The following DENND1A variants were observed in gnomAD, a reference collection of about 807,000 sequenced individuals.
DENND1A encodes the protein DENN domain-containing protein 1A.
In DENND1A, 51 loss-of-function variants were observed where a neutral mutation model predicts 113.7. The ratio of observed to expected loss-of-function variants is 0.45; its 90% CI spans 0.36 to 0.57. DENND1A has a LOEUF of 0.57. Ranked by LOEUF, DENND1A falls within the 20% of genes least tolerant of loss-of-function variation. DENND1A has a pLI of 0.00. For missense variants in DENND1A, 1,258 were observed against 1,395.9 expected (o/e 0.90, Z 1.57); for synonymous variants, 565 against 570.8 (o/e 0.99, Z 0.14).
intron 20 of DENND1A, among the ~76,000 whole-genome samples, chr9:123,406,654 C>G (rs1160156593): frequency 1.3e-5 from 2 of 152,226 alleles, no homozygotes; most frequent in Non-Finnish European, 2.9e-5. Context: ...ATTCAGTCAA[C>G]ACGTGCTGAA....
At chr9:123,438,172 C>G (rs1051051986) in intron 19 of DENND1A, among the ~76,000 whole-genome samples, 1 of 152,128 alleles carries the variant, frequency 6.6e-6, no homozygotes, top group Non-Finnish European at 1.5e-5. Context: ...CTCTAGAAAC[C>G]GTACTTCTTA....
intron 20 of DENND1A, among the ~76,000 whole-genome samples, chr9:123,407,845 G>T (rs1479688974): frequency 6.6e-6 from 1 of 152,176 alleles, no homozygotes; most frequent in African/African-American, 2.4e-5. Context: ...GAGTACATTT[G>T]ATTTTAATGG....
chr9:123,534,603 G>GA (rs1455168370), intron 13 of DENND1A, among the ~76,000 whole-genome samples: 2 of 148,652 alleles, frequency 1.3e-5, no homozygotes, highest in African/African-American at 5.0e-5. Flanking sequence ...TCAGCAAAAT[G>GA]AGAGTTCTTG....
At chr9:123,591,388 G>C (rs1027640215) in intron 11 of DENND1A, among the ~76,000 whole-genome samples, 1 of 152,226 alleles carries the variant, frequency 6.6e-6, no homozygotes, top group East Asian at 1.9e-4. Context: ...TGTCAGCCGG[G>C]GGATCTGAAG....
At chr9:123,510,667 A>T (rs1441568813) in intron 13 of DENND1A, among the ~76,000 whole-genome samples, 1 of 152,216 alleles carries the variant, frequency 6.6e-6, no homozygotes, top group Non-Finnish European at 1.5e-5. Context: ...CACTCTCTGC[A>T]ACTAGAAATG....
rs532172164 is a variant in DENND1A, at chr9:123,413,886, G to A, written c.1489-2057C>T. The A allele has an allele frequency of 9.1e-6, 9 of 985,352 alleles. No individual in the cohort carries two copies. In the East Asian group the frequency reaches 9.1e-4, roughly 100 times the overall value. The allele number at this position is 985,352 out of a possible 1,614,324, so 61.0% of individuals were successfully genotyped here. A position where few individuals can be genotyped will look rare whatever the true frequency, so the allele number is the denominator to read the frequency against. On this transcript the variant is annotated intron_variant, in intron 19 of 23. Transcript: ENST00000394215. ...GAGGAAGAGGTGATCAGGGAGAGGG[G>A]AGCCCACCCCCTCCACCGGTGCACA...
intron 2 of DENND1A, among the ~76,000 whole-genome samples, chr9:123,794,310 G>A (rs1005485704): frequency 1.3e-5 from 2 of 152,206 alleles, no homozygotes; most frequent in African/African-American, 4.8e-5. Flanking sequence ...CTAAAAAAGA[G>A]CAGTGGCTAT....
chr9:123,553,464 G>A (rs1357108846), intron 13 of DENND1A, among the ~76,000 whole-genome samples: 3 of 151,782 alleles, frequency 2.0e-5, no homozygotes, highest in Non-Finnish European at 4.4e-5. Context: ...AACCACAAGG[G>A]TCACCTGATA....
At chr9:123,449,533 C>CAAAAAAAAAAAAAAAAAAAGAAA (rs34903069) in intron 18 of DENND1A, among the ~76,000 whole-genome samples, 1 of 72,626 alleles carries the variant, frequency 1.4e-5, no homozygotes, top group African/African-American at 4.9e-5. Context: ...GACTCCGTCT[C>CAAAAAAAAAAAAAAAAAAAGAAA]AAAAAAAAAA....
At chr9:123,511,576 G>T (rs1230451598) in intron 13 of DENND1A, among the ~76,000 whole-genome samples, 1 of 152,240 alleles carries the variant, frequency 6.6e-6, no homozygotes, top group Non-Finnish European at 1.5e-5. Flanking sequence ...CACCATAGCA[G>T]CAGCACAAGG....
At chr9:123,627,311 C>T (rs1419281850) in intron 10 of DENND1A, among the ~76,000 whole-genome samples, 1 of 152,212 alleles carries the variant, frequency 6.6e-6, no homozygotes, top group Non-Finnish European at 1.5e-5. Flanking sequence ...GCAGTTCTGG[C>T]CTGTCTATGG....
At chr9:123,743,125 C>T (rs1011340842) in intron 5 of DENND1A, among the ~76,000 whole-genome samples, 3 of 152,148 alleles carry the variant, frequency 2.0e-5, no homozygotes, top group African/African-American at 4.8e-5. Flanking sequence ...CTCTCCTGAG[C>T]GAGGCATGGT....
chr9:123,575,172 A>G (rs2058567905), intron 12 of DENND1A, among the ~76,000 whole-genome samples: 2 of 152,140 alleles, frequency 1.3e-5, no homozygotes, highest in Non-Finnish European at 2.9e-5. Flanking sequence ...GGTGCAAGGG[A>G]GGATGGTTTT....
At chr9:123,862,418 C>A (rs568999404) in intron 2 of DENND1A, among the ~76,000 whole-genome samples, 2 of 152,310 alleles carry the variant, frequency 1.3e-5, no homozygotes, top group African/African-American at 4.8e-5. Flanking sequence ...TTTGAGCTAA[C>A]ATGACCTAAA....
intron 5 of DENND1A, among the ~76,000 whole-genome samples, chr9:123,683,472 T>C (rs1401276279): frequency 4.6e-5 from 7 of 152,196 alleles, no homozygotes; most frequent in Non-Finnish European, 1.0e-4. Flanking sequence ...CCCACAATAC[T>C]TGATGCATTA....
At chr9:123,858,585 TG>T (rs1844617009) in intron 2 of DENND1A, among the ~76,000 whole-genome samples, 1 of 151,880 alleles carries the variant, frequency 6.6e-6, no homozygotes, top group Admixed American at 6.6e-5. Flanking sequence ...TGACTGGCAG[TG>T]GGGGTAAAAG....
chr9:123,775,444 A>AGG (rs757777582), intron 3 of DENND1A, among the ~76,000 whole-genome samples: 9 of 152,190 alleles, frequency 5.9e-5, no homozygotes, highest in Non-Finnish European at 7.3e-5. Flanking sequence ...CCAAAGGAAT[A>AGG]GGGGTCCCAA....
intron 1 of DENND1A, among the ~76,000 whole-genome samples, chr9:123,928,379 T>A (rs1197767851): frequency 6.6e-6 from 1 of 152,236 alleles, no homozygotes; most frequent in African/African-American, 2.4e-5. Context: ...TTCTGGAAAG[T>A]GTTTCTAAGT....
intron 5 of DENND1A, among the ~76,000 whole-genome samples, chr9:123,739,965 A>G (rs1359554571): frequency 6.6e-6 from 1 of 152,190 alleles, no homozygotes; most frequent in African/African-American, 2.4e-5. Flanking sequence ...TATTCACACA[A>G]AACACCAAGG....
Sources: gnomAD v4.1 joint callset for allele counts (sites outside exome capture counted in the v4.1 genomes callset) on GRCh38, gnomAD v4.1.1 for gene constraint, MANE v1.5 for transcripts, NCBI Gene and HGNC (gene_info 2026-07-23, HGNC 2026-07-21) for gene names.